The following MAPKAP1 variants were observed in gnomAD, a reference collection of about 807,000 sequenced individuals.
MAPKAP1 encodes the protein target of rapamycin complex 2 subunit MAPKAP1.
In MAPKAP1, 20 loss-of-function variants were observed where a neutral mutation model predicts 65.7. That is an observed-to-expected ratio of 0.30 (90% confidence interval 0.21 to 0.44). The LOEUF is 0.44. Ranked by LOEUF, MAPKAP1 falls within the 20% of genes least tolerant of loss-of-function variation. The pLI is 1.00. For missense variants in MAPKAP1, 423 were observed against 648.0 expected, an observed-to-expected ratio of 0.65 and a Z score of 3.77; for synonymous variants, 222 against 244.3, an observed-to-expected ratio of 0.91 and a Z score of 0.85.
chr9:125,511,159 C>G (rs981350961), intron 7 of MAPKAP1, among the ~76,000 whole-genome samples: 1 of 128,310 alleles, frequency 7.8e-6, no homozygotes, highest in African/African-American at 3.1e-5. Flanking sequence ...CAGCTATCAT[C>G]ATCACCATCA....
chr9:125,550,916 C>T (rs923102463), intron 6 of MAPKAP1, among the ~76,000 whole-genome samples: 22 of 152,268 alleles, frequency 1.4e-4, no homozygotes, highest in African/African-American at 5.1e-4. Context: ...TTACAAAGAA[C>T]ACAAGCATCT....
At chr9:125,592,758 C>A (rs1246044630) in intron 4 of MAPKAP1, among the ~76,000 whole-genome samples, 1 of 151,394 alleles carries the variant, frequency 6.6e-6, no homozygotes, top group Non-Finnish European at 1.5e-5. Context: ...AAAAAATTAG[C>A]CGGGCGTGGT....
At chr9:125,517,559 G>C (rs1829498997) in intron 7 of MAPKAP1, among the ~76,000 whole-genome samples, 1 of 152,060 alleles carries the variant, frequency 6.6e-6, no homozygotes, top group Non-Finnish European at 1.5e-5. Flanking sequence ...CTATTACCAG[G>C]TCATAAAATA....
chr9:125,682,502 C>A (rs1393409131), intron 1 of MAPKAP1, among the ~76,000 whole-genome samples: 1 of 152,232 alleles, frequency 6.6e-6, no homozygotes, highest in Admixed American at 6.5e-5. Context: ...TAACCACCCA[C>A]CACCCCCAAA....
At chr9:125,706,908 C>T in intron 1 of MAPKAP1, 63 bp downstream of exon 1, 1 of 387,538 alleles carries the variant, frequency 2.6e-6, no homozygotes, top group Non-Finnish European at 4.6e-6. Context: ...GAGAGGGCCG[C>T]CAGGTGGGCA....
Position 125,439,035 on chromosome 9 carries a change from C to T in MAPKAP1, c.1444-23G>A, listed in dbSNP as rs761418986. ...AACCTAGAAACAAGAGCACACAGCCCGGTCACCTTGCCAGCCGCTCCCTAC... is the reference window on the plus strand; with the variant it reads ...AACCTAGAAACAAGAGCACACAGCCTGGTCACCTTGCCAGCCGCTCCCTAC... On this transcript the variant is annotated intron_variant, in intron 11 of 11. Transcript: ENST00000265960. The surrounding 1 kb of genome is among the most constrained non-coding windows in gnomAD (Gnocchi z 4.0). 1.3e-5 allele frequency: 21 copies of T among 1,609,868 alleles called. No homozygotes were observed. Among genetic ancestry groups the T allele is most frequent in the African/African-American group, 9.4e-5 (7 of 74,850 alleles).
At chr9:125,704,052 G>A (rs1001885164) in intron 1 of MAPKAP1, among the ~76,000 whole-genome samples, 6 of 152,070 alleles carry the variant, frequency 3.9e-5, no homozygotes, top group African/African-American at 9.7e-5. Flanking sequence ...TCCATTCCTC[G>A]TGATCCCTCC....
At chr9:125,695,855 A>C (rs1286120141) in intron 1 of MAPKAP1, among the ~76,000 whole-genome samples, 2 of 151,802 alleles carry the variant, frequency 1.3e-5, no homozygotes, top group Non-Finnish European at 2.9e-5. Flanking sequence ...CAGCCACCCG[A>C]GTAGCTGGGA....
chr9:125,622,117 G>A (rs1832920321), intron 4 of MAPKAP1, among the ~76,000 whole-genome samples: 2 of 152,266 alleles, frequency 1.3e-5, no homozygotes, highest in South Asian at 2.1e-4. Context: ...TAGAATTGTG[G>A]GTATTGGAGG....
chr9:125,463,300 C>T (rs1853566315), intron 10 of MAPKAP1, among the ~76,000 whole-genome samples: 1 of 152,362 alleles, frequency 6.6e-6, no homozygotes, highest in East Asian at 1.9e-4. Flanking sequence ...ACCTATAAAA[C>T]ACAAGAGGCC....
At chr9:125,542,398 T>C (rs1434378788) in intron 7 of MAPKAP1, among the ~76,000 whole-genome samples, 2 of 152,312 alleles carry the variant, frequency 1.3e-5, no homozygotes, top group East Asian at 1.9e-4. Flanking sequence ...ACACGTCATA[T>C]ATGAGTTGAT....
chr9:125,470,791 A>C (rs1327783604), intron 9 of MAPKAP1, among the ~76,000 whole-genome samples: 1 of 152,190 alleles, frequency 6.6e-6, no homozygotes, highest in Non-Finnish European at 1.5e-5. Flanking sequence ...TATCATTTAG[A>C]CGGTGTGTTC....
chr9:125,493,740 A>C (rs1260755850), intron 8 of MAPKAP1, among the ~76,000 whole-genome samples: 2 of 152,256 alleles, frequency 1.3e-5, no homozygotes, highest in Non-Finnish European at 2.9e-5. Flanking sequence ...GCATGCCAGC[A>C]CGATGCTCAG....
chr9:125,627,598 T>A (rs1833152168), intron 4 of MAPKAP1, among the ~76,000 whole-genome samples: 1 of 152,238 alleles, frequency 6.6e-6, no homozygotes, highest in East Asian at 1.9e-4. Flanking sequence ...AACTCTTTTT[T>A]ATTTTTTTTA....
At chr9:125,679,104 C>T (rs921361097) in intron 1 of MAPKAP1, among the ~76,000 whole-genome samples, 6 of 151,870 alleles carry the variant, frequency 4.0e-5, no homozygotes, top group Non-Finnish European at 7.4e-5. Context: ...CTGGTTCAAG[C>T]AATTCTCCTG....
At chr9:125,689,786 T>C (rs1588078335) in intron 1 of MAPKAP1, among the ~76,000 whole-genome samples, 1 of 130,528 alleles carries the variant, frequency 7.7e-6, no homozygotes, top group Non-Finnish European at 1.6e-5. Flanking sequence ...GCTAGAGGAG[T>C]CTATAACAAT....
At chr9:125,565,741 CAAAAAAAAAAAAA>C (rs71374275) in intron 5 of MAPKAP1, 35 of 149,088 alleles carry the variant, frequency 2.3e-4, no homozygotes, top group South Asian at 5.3e-4. Flanking sequence ...TTCTCTCCTG[CAAAAAAAAAAAAA>C]AAAAAAAAAA....
intron 7 of MAPKAP1, among the ~76,000 whole-genome samples, chr9:125,519,614 G>A (rs1029137074): frequency 6.7e-6 from 1 of 148,812 alleles, no homozygotes; most frequent in Non-Finnish European, 1.5e-5. Context: ...GGATGACAAA[G>A]CAAGACCTTG....
At chr9:125,636,170 A>G (rs1833418106) in intron 4 of MAPKAP1, among the ~76,000 whole-genome samples, 1 of 152,230 alleles carries the variant, frequency 6.6e-6, no homozygotes, top group African/African-American at 2.4e-5. Context: ...CTGCTGCTGA[A>G]CAACAGAAAA....
Sources: gnomAD v4.1 joint callset for allele counts (sites outside exome capture counted in the v4.1 genomes callset) on GRCh38, gnomAD v4.1.1 for gene constraint, Gnocchi (gnomAD v3.1) non-coding constraint, MANE v1.5 for transcripts, NCBI Gene and HGNC (gene_info 2026-07-23, HGNC 2026-07-21) for gene names.